FTCDNL1: variants seen among roughly 807,000 people sequenced by gnomAD.
The protein encoded by FTCDNL1 is formiminotransferase cyclodeaminase N-terminal like, also known as formiminotransferase N-terminal subdomain-containing protein.
In FTCDNL1, 11 loss-of-function variants were observed where a neutral mutation model predicts 5.9. The observed-to-expected ratio is 1.87, with a 90% CI of 1.18 to 3.10. The LOEUF is 3.10. Ranked by LOEUF, FTCDNL1 falls within the 30% of genes most tolerant of loss-of-function variation. The pLI, the probability that FTCDNL1 is intolerant of heterozygous loss-of-function variation, is 0.00. For missense variants in FTCDNL1, 115 were observed against 65.5 expected (o/e 1.76, Z -2.61); for synonymous variants, 58 against 24.8 (o/e 2.34, Z -3.99).
At chr2:199,779,619 C>T (rs944046662) in intron 3 of FTCDNL1, among the ~76,000 whole-genome samples, 2 of 152,198 alleles carry the variant, frequency 1.3e-5, no homozygotes, top group African/African-American at 4.8e-5. Context: ...AGCGATGTGC[C>T]TCCAGGGATT....
At chr2:199,809,224 T>C (rs1700893649), downstream of FTCDNL1, among the ~76,000 whole-genome samples, 1 of 151,544 alleles carries the variant, frequency 6.6e-6, no homozygotes, top group Non-Finnish European at 1.5e-5. Flanking sequence ...CACTGGATCC[T>C]ATAAAAAGAT....
intron 3 of FTCDNL1, among the ~76,000 whole-genome samples, chr2:199,787,325 GGCGCACACTACCAC>G (rs1259167222): frequency 2.6e-5 from 4 of 152,020 alleles, no homozygotes; most frequent in Non-Finnish European, 4.4e-5. Flanking sequence ...TGGGATAACA[GGCGCACACTACCAC>G]GCCCAGCTAA....
the FTCDNL1 span, among the ~76,000 whole-genome samples, chr2:199,699,096 A>T: frequency 6.6e-6 from 1 of 152,224 alleles, no homozygotes; most frequent in Non-Finnish European, 1.5e-5. Context: ...ACAAACCAAT[A>T]ACAAGTTCCA....
chr2:199,827,280 A>G (rs1702092846), intron 3 of FTCDNL1, among the ~76,000 whole-genome samples: 1 of 152,234 alleles, frequency 6.6e-6, no homozygotes, highest in South Asian at 2.1e-4. Context: ...CTATAGGATA[A>G]CTGACCCAGA....
At chr2:199,828,742 G>A (rs189595908) in intron 3 of FTCDNL1, among the ~76,000 whole-genome samples, 100 of 152,302 alleles carry the variant, frequency 6.6e-4, no homozygotes, top group Middle Eastern at 3.4e-3. Flanking sequence ...AGAAGGCAGT[G>A]CCTTCTAGTT....
At position 199,809,585 on chromosome 2, in the gene FTCDNL1, T is replaced by C. The variant is rs1056561899; in HGVS notation, c.*3120A>G. On this transcript the variant is annotated 3_prime_UTR_variant, in exon 5 of 5. Coordinates refer to ENST00000420128, the MANE Select transcript of FTCDNL1 (RefSeq NM_001363886.2). ...GCCATCATTGACACATAGCTTCTTT[T>C]AGTATACAAAAAGGCTACAAATTTT... Among the ~76,000 whole-genome samples, 3 of 152,216 alleles carry C rather than the reference T, an allele frequency of 2.0e-5. No homozygotes were observed. Among genetic ancestry groups the C allele is most frequent in the Non-Finnish European group, 2.9e-5 (2 of 68,042 alleles).
chr2:199,691,644 T>C, the FTCDNL1 span, among the ~76,000 whole-genome samples: 6 of 152,210 alleles, frequency 3.9e-5, no homozygotes, highest in Non-Finnish European at 7.3e-5. Flanking sequence ...AAAATTGGAA[T>C]TGAAATATCA....
At chr2:199,769,552 CT>C (rs1574458637) in intron 3 of FTCDNL1, among the ~76,000 whole-genome samples, 1 of 152,150 alleles carries the variant, frequency 6.6e-6, no homozygotes, top group East Asian at 1.9e-4. Context: ...TCAAGTATGT[CT>C]TTAGTAGCAG....
At chr2:199,833,676 C>T (rs944669734) in intron 3 of FTCDNL1, among the ~76,000 whole-genome samples, 1 of 152,156 alleles carries the variant, frequency 6.6e-6, no homozygotes, top group Admixed American at 6.5e-5. Context: ...CAAACAAATG[C>T]TTTGCATGAG....
At chr2:199,722,616 G>A in the FTCDNL1 span, among the ~76,000 whole-genome samples, 1 of 151,986 alleles carries the variant, frequency 6.6e-6, no homozygotes. Flanking sequence ...GCTCTTTTTT[G>A]GTTCCACATG....
the FTCDNL1 span, among the ~76,000 whole-genome samples, chr2:199,724,376 A>G: frequency 7.3e-5 from 11 of 149,788 alleles, no homozygotes; most frequent in African/African-American, 2.0e-4. Flanking sequence ...TTTCATGTCT[A>G]TCTCCTTCAG....
chr2:199,668,698 A>T, the FTCDNL1 span, among the ~76,000 whole-genome samples: 1 of 152,176 alleles, frequency 6.6e-6, no homozygotes, highest in Non-Finnish European at 1.5e-5. Flanking sequence ...AATACCTAAA[A>T]TAATATTTTT....
chr2:199,781,228 A>G (rs1293548966), intron 3 of FTCDNL1, among the ~76,000 whole-genome samples: 1 of 152,166 alleles, frequency 6.6e-6, no homozygotes, highest in African/African-American at 2.4e-5. Context: ...ACCATTACCT[A>G]TATGTACATA....
chr2:199,764,420 C>T (rs941732565), intron 3 of FTCDNL1, among the ~76,000 whole-genome samples: 16 of 152,184 alleles, frequency 1.1e-4, no homozygotes, highest in African/African-American at 3.9e-4. Flanking sequence ...GCTCTGGGGC[C>T]TTCTGTTAGC....
At chr2:199,684,773 C>A in the FTCDNL1 span, among the ~76,000 whole-genome samples, 1 of 152,156 alleles carries the variant, frequency 6.6e-6, no homozygotes, top group East Asian at 1.9e-4. Flanking sequence ...CTATAATCTT[C>A]AAGGAGCATT....
At chr2:199,767,973 A>C (rs912495500) in intron 3 of FTCDNL1, among the ~76,000 whole-genome samples, 2 of 152,244 alleles carry the variant, frequency 1.3e-5, no homozygotes, top group Non-Finnish European at 2.9e-5. Flanking sequence ...ACAAAGTAAG[A>C]AATTTCTCAA....
chr2:199,736,853 T>C, the FTCDNL1 span, among the ~76,000 whole-genome samples: 1 of 152,218 alleles, frequency 6.6e-6, no homozygotes, highest in Non-Finnish European at 1.5e-5. Flanking sequence ...AACTGGTAAT[T>C]TGACTGGGTT....
chr2:199,672,392 G>C, the FTCDNL1 span, among the ~76,000 whole-genome samples: 1 of 152,208 alleles, frequency 6.6e-6, no homozygotes, highest in South Asian at 2.1e-4. Context: ...AAAGCATGAT[G>C]CACTTAAATA....
At chr2:199,689,479 GCCTA>G in the FTCDNL1 span, among the ~76,000 whole-genome samples, 2 of 152,088 alleles carry the variant, frequency 1.3e-5, no homozygotes, top group South Asian at 2.1e-4. Flanking sequence ...CATCCCAGAT[GCCTA>G]CCTGTTTTTG....
Sources: gnomAD v4.1 joint callset for allele counts (sites outside exome capture counted in the v4.1 genomes callset) on GRCh38, gnomAD v4.1.1 for gene constraint, MANE v1.5 for transcripts, NCBI Gene and HGNC (gene_info 2026-07-23, HGNC 2026-07-21) for gene names.